SH3D19: variants seen among roughly 807,000 people sequenced by gnomAD.
The protein encoded by SH3D19 is SH3 domain-containing protein 19.
Under a neutral mutation model 112.1 loss-of-function variants are expected in SH3D19, and 58 were observed. The ratio of observed to expected loss-of-function variants is 0.52; its 90% CI spans 0.42 to 0.64. The LOEUF (loss-of-function observed/expected upper bound fraction) is 0.64, where lower values mean the gene tolerates loss of function less well. SH3D19 is among the 30% of genes least tolerant of loss of function. SH3D19 has a pLI of 0.00. For missense variants in SH3D19, 1,090 were observed against 1,263.4 expected (o/e 0.86, Z 2.08); for synonymous variants, 391 against 448.5 (o/e 0.87, Z 1.62).
chr4:151,191,641 A>ATCTGTT (rs1389419203), intron 2 of SH3D19, among the ~76,000 whole-genome samples: 5 of 152,026 alleles, frequency 3.3e-5, no homozygotes, highest in Non-Finnish European at 7.4e-5. Context: ...AGAGTACAGA[A>ATCTGTT]TCTGTTCTTT....
At chr4:151,289,415 G>A (rs1452504699) in intron 1 of SH3D19, among the ~76,000 whole-genome samples, 3 of 152,040 alleles carry the variant, frequency 2.0e-5, no homozygotes, top group Non-Finnish European at 4.4e-5. Flanking sequence ...TGCTTCAATG[G>A]ACACCATCAA....
At chr4:151,231,046 CT>C (rs1769568034) in intron 1 of SH3D19, among the ~76,000 whole-genome samples, 2 of 152,096 alleles carry the variant, frequency 1.3e-5, no homozygotes, top group African/African-American at 2.4e-5. Context: ...TATATAAACC[CT>C]TTGTGCCATT....
At chr4:151,243,370 G>A (rs1053460757) in intron 1 of SH3D19, among the ~76,000 whole-genome samples, 1 of 152,202 alleles carries the variant, frequency 6.6e-6, no homozygotes, top group African/African-American at 2.4e-5. Context: ...AAAAAGAAAT[G>A]TCACTTGCTT....
At chr4:151,150,176 C>A (rs1754674820) in intron 9 of SH3D19, among the ~76,000 whole-genome samples, 1 of 63,224 alleles carries the variant, frequency 1.6e-5, no homozygotes, top group Non-Finnish European at 2.8e-5. Context: ...CAGAGCAAGA[C>A]TCCATCTCAA....
chr4:151,182,352 A>C (rs1009223535), intron 3 of SH3D19, among the ~76,000 whole-genome samples: 1 of 152,212 alleles, frequency 6.6e-6, no homozygotes, highest in African/African-American at 2.4e-5. Context: ...TCAATTTGCT[A>C]CTTCAATAAG....
intron 2 of SH3D19, among the ~76,000 whole-genome samples, chr4:151,221,855 G>T (rs2149937076): frequency 6.6e-6 from 1 of 152,278 alleles, no homozygotes; most frequent in South Asian, 2.1e-4. Context: ...TCACTTTAGG[G>T]TCAATAGATT....
rs192321117 is a variant in SH3D19, at chr4:151,181,366, T to C, written c.194-1969A>G. 3.2e-4 allele frequency among the ~76,000 whole-genome samples: 49 copies of C among 152,254 alleles called. No individual in the cohort carries two copies. The Middle Eastern group carries it at 0.014, about 42-fold the overall frequency. On this transcript the variant is annotated intron_variant, in intron 3 of 19. Coordinates refer to ENST00000604030, the MANE Select transcript of SH3D19 (RefSeq NM_001378122.1). ...AGGTGGGAATGAAGTTTAGGCTGGA[T>C]TGGAGCCGTAACAGGTGAACCTCTG...
chr4:151,156,592 A>G (rs1188100011), intron 9 of SH3D19, among the ~76,000 whole-genome samples: 1 of 152,218 alleles, frequency 6.6e-6, no homozygotes. Context: ...TCTCTTCAAT[A>G]AATGGCGCTG....
At position 151,174,536 on chromosome 4, in the gene SH3D19, C is replaced by A. The variant is rs916072627; in HGVS notation, c.1534+134G>T. ...GTCTGTTCATTCCTCTGTTTCTATA[C>A]ACACACATGCATGTGCACATACTTG... On this transcript the variant is annotated intron_variant, in intron 7 of 19. Transcript: ENST00000604030. The A allele has an allele frequency of 8.7e-6, 6 of 693,566 alleles. No individual in the cohort carries two copies. In the African/African-American group the frequency reaches 1.1e-4, roughly 13 times the overall value. 43.0% of individuals were successfully genotyped at this position (693,566 alleles called of 1,614,324 possible). A position where few individuals can be genotyped will look rare whatever the true frequency, so the allele number is the denominator to read the frequency against.
At position 151,133,027 on chromosome 4, in the gene SH3D19, T is replaced by A; in HGVS notation, c.2689+7A>T. The A allele has an allele frequency of 6.2e-7, 1 of 1,612,058 alleles. No individual in the cohort carries two copies. The stretch of plus-strand genomic sequence containing the variant: ...ATAACATAATAAAAAAAATTCTCTA[T>A]ACTCACTTAAAACATTTGCACCAGA... On this transcript the variant is annotated splice_region_variant and intron_variant, in intron 16 of 19. Transcript: ENST00000604030.
At chr4:151,270,330 G>T (rs1773145732) in intron 1 of SH3D19, among the ~76,000 whole-genome samples, 1 of 152,060 alleles carries the variant, frequency 6.6e-6, no homozygotes, top group African/African-American at 2.4e-5. Context: ...AAAATAGTGT[G>T]TGACTTCTGT....
chr4:151,262,846 G>A (rs1772484561), intron 1 of SH3D19: 1 of 152,126 alleles, frequency 6.6e-6, no homozygotes, highest in East Asian at 1.9e-4. Flanking sequence ...TACAAGTCTT[G>A]GATTGAGAAG....
At chr4:151,323,335 G>GA (rs141854560) in intron 1 of SH3D19, among the ~76,000 whole-genome samples, 1 of 152,142 alleles carries the variant, frequency 6.6e-6, no homozygotes, top group Non-Finnish European at 1.5e-5. Context: ...AGGTGATGCA[G>GA]AAAAAACATG....
chr4:151,184,603 G>A (rs1761456643), intron 3 of SH3D19, among the ~76,000 whole-genome samples: 1 of 68,968 alleles, frequency 1.4e-5, no homozygotes, highest in Non-Finnish European at 4.6e-5. Context: ...CTCTGCTAGG[G>A]CCCTGTTTCA....
At chr4:151,127,857 AT>A (rs1224541541) in intron 18 of SH3D19, 142 bp from the exon 19 acceptor site, 1 of 481,498 alleles carries the variant, frequency 2.1e-6, no homozygotes, top group African/African-American at 2.0e-5. Context: ...AAAGAAAAAC[AT>A]TTTTAAAAAC....
chr4:151,229,844 G>A (rs538033232), intron 1 of SH3D19, among the ~76,000 whole-genome samples: 1 of 152,230 alleles, frequency 6.6e-6, no homozygotes, highest in Non-Finnish European at 1.5e-5. Flanking sequence ...GAGCTCGGGA[G>A]ATGAAGGGTG....
At chr4:151,152,691 GTATTTT>G (rs1755289921) in intron 9 of SH3D19, among the ~76,000 whole-genome samples, 1 of 151,078 alleles carries the variant, frequency 6.6e-6, no homozygotes, top group African/African-American at 2.4e-5. Flanking sequence ...GCTAATTTTT[GTATTTT>G]TAGTAGAGAC....
At chr4:151,180,370 G>A (rs10001039) in intron 3 of SH3D19, among the ~76,000 whole-genome samples, 127,900 of 150,638 alleles carry the variant, frequency 0.85, 55,451 homozygotes, top group Non-Finnish European at 0.95. Flanking sequence ...AGTTTTAATC[G>A]GATAATCTAG....
At chr4:151,268,747 A>G in intron 1 of SH3D19, among the ~76,000 whole-genome samples, 1 of 143,770 alleles carries the variant, frequency 7.0e-6, no homozygotes, top group Non-Finnish European at 1.5e-5. Flanking sequence ...AATTTCATCC[A>G]TGTCCCTACA....
Sources: allele counts gnomAD v4.1 joint callset (sites outside exome capture counted in the v4.1 genomes callset), GRCh38; gene constraint gnomAD v4.1.1; transcripts MANE v1.5; gene names NCBI Gene and HGNC (gene_info 2026-07-23, HGNC 2026-07-21).